Variants in RTN3 observed in about 807,000 individuals in gnomAD.
The protein encoded by RTN3 is reticulon 3, also known as reticulon-3.
In RTN3, 49 loss-of-function variants were observed where a neutral mutation model predicts 77.8. The observed-to-expected ratio is 0.63, with a 90% CI of 0.50 to 0.80. The LOEUF is 0.80. RTN3 is among the 30% of genes least tolerant of loss of function. The probability of loss-of-function intolerance (pLI) is 0.00; values close to 1 mark genes in which losing one functional copy is unlikely to be tolerated. For synonymous variants in RTN3, 464 were observed against 446.9 expected (o/e 1.04, Z -0.48); for missense variants, 1,236 against 1,211.9 (o/e 1.02, Z -0.29).
At chr11:63,683,138 G>A (rs1317944002) in intron 1 of RTN3, among the ~76,000 whole-genome samples, 1 of 152,106 alleles carries the variant, frequency 6.6e-6, no homozygotes, top group Non-Finnish European at 1.5e-5. Flanking sequence ...GAGCCCTGTT[G>A]GATTTTTTCA....
At chr11:63,752,468 C>T (rs1244594678) in intron 4 of RTN3, 39 bp from the exon 5 acceptor site, 2 of 1,594,558 alleles carry the variant, frequency 1.3e-6, no homozygotes, top group East Asian at 4.5e-5. Flanking sequence ...AAATCTTCTT[C>T]CATGTCAAAT....
intron 3 of RTN3, among the ~76,000 whole-genome samples, chr11:63,729,460 G>GTTTTTTT (rs1223266871): frequency 2.0e-5 from 1 of 49,252 alleles, no homozygotes; most frequent in Non-Finnish European, 3.6e-5. Flanking sequence ...TTTTTTTTTT[G>GTTTTTTT]TTTGTTTGAG....
At chr11:63,707,504 G>A (rs973087582) in intron 2 of RTN3, among the ~76,000 whole-genome samples, 6 of 152,142 alleles carry the variant, frequency 3.9e-5, no homozygotes, top group Admixed American at 3.9e-4. Context: ...GACCAATGTA[G>A]ATTGAGAATA....
intron 2 of RTN3, among the ~76,000 whole-genome samples, chr11:63,713,368 G>T (rs555118735): frequency 6.6e-6 from 1 of 152,178 alleles, no homozygotes; most frequent in East Asian, 1.9e-4. Flanking sequence ...GTCACCCAGG[G>T]TGGAGTGCAT....
chr11:63,717,030 G>A (rs2011457926), intron 2 of RTN3, among the ~76,000 whole-genome samples: 1 of 151,390 alleles, frequency 6.6e-6, no homozygotes, highest in East Asian at 1.9e-4. Context: ...AGGTGTGGTG[G>A]CATGTGCCTG....
At chr11:63,753,271 C>A in intron 6 of RTN3, 133 bp downstream of exon 6, 1 of 790,970 alleles carries the variant, frequency 1.3e-6, no homozygotes, top group Non-Finnish European at 2.0e-6. Flanking sequence ...GGAGTAGAGG[C>A]ACTGGAGGAA....
At chr11:63,756,662 C>T (rs1194226164) in intron 8 of RTN3, among the ~76,000 whole-genome samples, 1 of 152,172 alleles carries the variant, frequency 6.6e-6, no homozygotes, top group East Asian at 1.9e-4. Flanking sequence ...AGTGCAGTCT[C>T]GACCTCCTGG....
chr11:63,701,279 G>A (rs1455038474), intron 1 of RTN3, among the ~76,000 whole-genome samples: 1 of 152,004 alleles, frequency 6.6e-6, no homozygotes, highest in Admixed American at 6.6e-5. Flanking sequence ...GTTGGACTGG[G>A]CCAGTATGTT....
At chr11:63,756,309 C>A in intron 8 of RTN3, 139 bp downstream of exon 8, 1 of 606,662 alleles carries the variant, frequency 1.6e-6, no homozygotes, top group South Asian at 2.3e-5. Flanking sequence ...TTTCATTTTA[C>A]TAAAAATTAT....
At chr11:63,685,352 C>T (rs901114052) in intron 1 of RTN3, among the ~76,000 whole-genome samples, 3 of 151,382 alleles carry the variant, frequency 2.0e-5, no homozygotes, top group South Asian at 2.1e-4. Context: ...AAAAATTAGC[C>T]GGGCACAGTG....
At chr11:63,734,122 A>G (rs1452970172) in intron 3 of RTN3, among the ~76,000 whole-genome samples, 7 of 152,148 alleles carry the variant, frequency 4.6e-5, no homozygotes, top group African/African-American at 1.4e-4. Flanking sequence ...CATCCTTAAT[A>G]CTGAAATGCT....
chr11:63,710,223 G>A (rs1417384867), intron 2 of RTN3, among the ~76,000 whole-genome samples: 1 of 152,124 alleles, frequency 6.6e-6, no homozygotes, highest in Admixed American at 6.6e-5. Flanking sequence ...AAGAGATGTG[G>A]TCTCACTGTG....
At position 63,749,995 on chromosome 11, in the gene RTN3, C is replaced by T. The variant is rs545172267; in HGVS notation, c.2535C>T (p.His845=). ...TATTCCCTTTTCTTTTGTCAGTGCA[C>T]GATCTGATTTTCTGGAGAGATGTGA... ...LARLLTDFSV[H]DLIFWRDVKK... The change falls in exon 4 of 9, where the codon CAC becomes CAT. Residue 845 remains histidine, a synonymous_variant. Transcript: ENST00000377819. 1.4e-5 allele frequency: 23 copies of T among 1,612,226 alleles called. 1 individual carries two copies. Among genetic ancestry groups the T allele is most frequent in the African/African-American group, 9.3e-5 (7 of 74,982 alleles).
intron 3 of RTN3, among the ~76,000 whole-genome samples, chr11:63,734,016 C>T (rs558656886): frequency 9.9e-5 from 15 of 152,162 alleles, no homozygotes; most frequent in African/African-American, 2.2e-4. Context: ...AAAAAAAGTT[C>T]GATATCCTTT....
chr11:63,747,706 G>C (rs573808309), intron 3 of RTN3, among the ~76,000 whole-genome samples: 6 of 152,288 alleles, frequency 3.9e-5, no homozygotes, highest in Admixed American at 2.0e-4. Context: ...AAGACAACTT[G>C]AATCACACCC....
intron 2 of RTN3, among the ~76,000 whole-genome samples, chr11:63,709,103 G>A (rs1942627546): frequency 6.6e-6 from 1 of 152,146 alleles, no homozygotes; most frequent in African/African-American, 2.4e-5. Context: ...GGATGCCAAA[G>A]CCGTGGTCAT....
intron 1 of RTN3, among the ~76,000 whole-genome samples, chr11:63,683,379 A>T (rs1297469288): frequency 6.6e-6 from 1 of 152,132 alleles, no homozygotes; most frequent in Non-Finnish European, 1.5e-5. Context: ...GCCCTTTTGT[A>T]CTTACCTTTT....
rs1344360321 is a variant in RTN3 at position 63,719,055 on chromosome 11, A to G, written c.553A>G (p.Lys185Glu). 4.3e-6 allele frequency: 7 copies of G among 1,614,196 alleles called. No homozygotes were observed. In the Admixed American group the frequency reaches 1.0e-4, roughly 23 times the overall value. ...GGAAGAGCAAATAGATAAAGAGACCAAGAACCCAAATGGGGTATCAAGTAG... is the reference window on the plus strand; with the variant it reads ...GGAAGAGCAAATAGATAAAGAGACCGAGAACCCAAATGGGGTATCAAGTAG... ...QVEEQIDKET[K>E]NPNGVSSREA... Residue 185 changes from lysine (K) to glutamate (E), a missense_variant, in exon 3 of 9, where the codon AAG (lysine) becomes GAG (glutamate). This residue lies in a region of RTN3 where 1,056 missense variants were observed against 990.4 expected (regional missense o/e 1.07). Coordinates refer to ENST00000377819, the MANE Select transcript of RTN3 (RefSeq NM_001265589.2).
intron 1 of RTN3, 144 bp downstream of exon 1, chr11:63,681,922 A>G: frequency 1.1e-6 from 1 of 892,580 alleles, no homozygotes. Context: ...GCGTTTGGAA[A>G]ATGGGCAAAG....
Sources: allele counts gnomAD v4.1 joint callset (sites outside exome capture counted in the v4.1 genomes callset), GRCh38; gene constraint gnomAD v4.1.1; regional missense constraint gnomAD v4.1.1; transcripts MANE v1.5; gene names NCBI Gene and HGNC (gene_info 2026-07-23, HGNC 2026-07-21).